DCAF12: variants seen among roughly 807,000 people sequenced by gnomAD.
The protein encoded by DCAF12 is DDB1 and CUL4 associated factor 12.
In DCAF12, 28 loss-of-function variants were observed where a neutral mutation model predicts 52.8. The observed-to-expected ratio is 0.53, with a 90% CI of 0.39 to 0.73. The LOEUF (loss-of-function observed/expected upper bound fraction) is 0.73. Among genes scored for constraint, DCAF12 ranks in the 30% least tolerant of loss-of-function variants. DCAF12 has a pLI of 0.00. For missense variants in DCAF12, 425 were observed against 552.2 expected, an observed-to-expected ratio of 0.77 and a Z score of 2.31; for synonymous variants, 196 against 215.5, an observed-to-expected ratio of 0.91 and a Z score of 0.79.
At chr9:34,120,357 G>GT (rs1464117751) in intron 2 of DCAF12, among the ~76,000 whole-genome samples, 10 of 151,968 alleles carry the variant, frequency 6.6e-5, no homozygotes, top group Admixed American at 2.0e-4. Flanking sequence ...TCCACCCTGA[G>GT]TGCAAAATGC....
intron 4 of DCAF12, among the ~76,000 whole-genome samples, 157 bp from the exon 5 acceptor site, chr9:34,098,674 G>C (rs766867805): frequency 2.0e-5 from 3 of 152,220 alleles, no homozygotes; most frequent in Admixed American, 6.5e-5. Flanking sequence ...CAGAGCAGTA[G>C]GCATTTTAAT....
At chr9:34,122,358 A>G (rs932033832) in intron 2 of DCAF12, among the ~76,000 whole-genome samples, 4 of 152,130 alleles carry the variant, frequency 2.6e-5, no homozygotes, top group Admixed American at 6.6e-5. Flanking sequence ...ATTAACTTCA[A>G]TCCTTACTCT....
intron 2 of DCAF12, 73 bp from the exon 3 acceptor site, chr9:34,107,638 G>T: frequency 7.9e-7 from 1 of 1,265,192 alleles, no homozygotes. Flanking sequence ...ACATCCTTTT[G>T]TTCAACTGTT....
rs1452762852 is a variant in DCAF12, at chr9:34,086,973, G to A, written c.*1377C>T. On this transcript the variant is annotated 3_prime_UTR_variant, in exon 9 of 9. Transcript: ENST00000361264. ...GAGGAACTGGTGGGTGGGAACAGCT[G>A]TTATCTTTGACATGATGTGTAAAAA... is the stretch of plus-strand genomic sequence containing the variant. The A allele has an allele frequency of 6.6e-6, 1 of 152,202 alleles. No homozygotes were observed. The allele number at this position is 152,202 out of a possible 1,614,324, so 9.4% of individuals were successfully genotyped here.
chr9:34,098,348 A>G lies in DCAF12; in HGVS notation c.771T>C (p.Ala257=), dbSNP rs1014920003. 1.0e-4 allele frequency: 161 copies of G among 1,614,022 alleles called. No individual in the cohort carries two copies. The highest frequency in any genetic ancestry group is 1.3e-4 in the Non-Finnish European group (151 of 1,179,998). Residue 257 remains alanine, a synonymous_variant, in exon 5 of 9, where the codon GCT becomes GCC. Transcript: ENST00000361264. The part of the protein sequence containing the change: ...DTNPDNCKVR[A]LAFNNKNKEL... Reference sequence around the variant, plus strand: ...CCTTGTTCTTGTTGTTGAAGGCCAGAGCCCGAACCTTGCAGTTGTCAGGGT... The same window carrying G: ...CCTTGTTCTTGTTGTTGAAGGCCAGGGCCCGAACCTTGCAGTTGTCAGGGT...
intron 2 of DCAF12, among the ~76,000 whole-genome samples, chr9:34,107,826 G>A (rs911341624): frequency 4.6e-5 from 7 of 152,154 alleles, no homozygotes; most frequent in African/African-American, 1.7e-4. Flanking sequence ...GGGATTCAGA[G>A]AAGGTTTCCA....
At chr9:34,098,632 C>T in intron 4 of DCAF12, 115 bp from the exon 5 acceptor site, 1 of 1,165,924 alleles carries the variant, frequency 8.6e-7, no homozygotes, top group Non-Finnish European at 1.2e-6. Context: ...CTCATATGTG[C>T]TGAAGCTTGG....
chr9:34,089,882 C>A, intron 7 of DCAF12: 1 of 280,060 alleles, frequency 3.6e-6, no homozygotes, highest in Non-Finnish European at 6.7e-6. Flanking sequence ...ACCATAAGTG[C>A]TGAGAACTTC....
Position 34,087,658 on chromosome 9 carries a change from G to GA in DCAF12, c.*691_*692insT, listed in dbSNP as rs1445412340. On this transcript the variant is annotated 3_prime_UTR_variant, in exon 9 of 9. Transcript: ENST00000361264. ...TCACTTTGCAGTCCTGGCATGGGAG[G>GA]CCCCAGGAAGCCTACAATCTAACTA... 6.6e-6 allele frequency: 1 copy of GA among 152,098 alleles called. No homozygotes were observed. The highest frequency in any genetic ancestry group is 2.4e-5 in the African/African-American group (1 of 41,412). The allele number at this position is 152,098 out of a possible 1,614,324, so 9.4% of individuals were successfully genotyped here.
chr9:34,123,347 A>G (rs549736320), intron 2 of DCAF12, among the ~76,000 whole-genome samples: 1 of 152,356 alleles, frequency 6.6e-6, no homozygotes, highest in East Asian at 1.9e-4. Flanking sequence ...ACTTTTAAAT[A>G]AGTAAGATAT....
chr9:34,120,598 A>T (rs1486679423), intron 2 of DCAF12, among the ~76,000 whole-genome samples: 1 of 148,460 alleles, frequency 6.7e-6, no homozygotes, highest in Non-Finnish European at 1.5e-5. Flanking sequence ...TTGAACCCGG[A>T]GGCAAAGGTT....
chr9:34,110,807 A>AAAACAAAACC (rs1342976695), intron 2 of DCAF12, among the ~76,000 whole-genome samples: 10 of 152,044 alleles, frequency 6.6e-5, no homozygotes, highest in South Asian at 4.2e-4. Context: ...AAAACAAAAC[A>AAAACAAAACC]AAACCAAGAG....
Position 34,100,433 on chromosome 9 carries a change from C to T in DCAF12, c.602-1916G>A, listed in dbSNP as rs568761408. Among the ~76,000 whole-genome samples the T allele has an allele frequency of 3.3e-5, 5 of 151,424 alleles. No homozygotes were observed. In the East Asian group the frequency reaches 7.8e-4, roughly 24 times the overall value. Reference sequence around the variant, plus strand: ...CAGGATGGTCTTGATCTCCTGACCTCGTGATCCACCTGCCTCGGCCTCCCA... The same window carrying T: ...CAGGATGGTCTTGATCTCCTGACCTTGTGATCCACCTGCCTCGGCCTCCCA... On this transcript the variant is annotated intron_variant, in intron 4 of 8. Transcript: ENST00000361264.
At chr9:34,089,272 G>A (rs1828607514) in intron 8 of DCAF12, 140 bp downstream of exon 8, 1 of 961,150 alleles carries the variant, frequency 1.0e-6, no homozygotes, top group East Asian at 2.8e-5. Flanking sequence ...AAAATCGGGG[G>A]AAGTCTTTTC....
rs1829229870 is a variant in DCAF12, at chr9:34,125,242, TCTTTTC to T, written c.108_113del (p.Lys37_Arg38del). ...CTAAGGATCTCTTCACAGGAGGAAG[TCTTTTC>T]CTTTTGTGAAGCGAGTGATCCCAGC... On this transcript the variant is annotated inframe_deletion, in exon 2 of 9. Transcript: ENST00000361264. 1 of 1,614,008 alleles carries T rather than the reference TCTTTTC, an allele frequency of 6.2e-7. No individual in the cohort carries two copies. The highest frequency in any genetic ancestry group is 8.5e-7 in the Non-Finnish European group (1 of 1,180,050).
At chr9:34,091,510 C>T (rs1828643263) in intron 7 of DCAF12, among the ~76,000 whole-genome samples, 1 of 151,698 alleles carries the variant, frequency 6.6e-6, no homozygotes, top group Non-Finnish European at 1.5e-5. Context: ...GTGGCGGACG[C>T]TTATAGTCCC....
intron 2 of DCAF12, among the ~76,000 whole-genome samples, chr9:34,118,823 G>A (rs1380720659): frequency 6.6e-6 from 1 of 152,082 alleles, no homozygotes; most frequent in East Asian, 1.9e-4. Flanking sequence ...AATTAGCCGG[G>A]CGTGGTGGCA....
intron 2 of DCAF12, among the ~76,000 whole-genome samples, chr9:34,120,130 G>A (rs560703295): frequency 6.7e-6 from 1 of 148,968 alleles, no homozygotes; most frequent in South Asian, 2.1e-4. Context: ...TTCAACCTGG[G>A]AGGCGGAGGT....
intron 7 of DCAF12, among the ~76,000 whole-genome samples, chr9:34,090,878 G>A (rs1460265816): frequency 6.6e-6 from 1 of 151,482 alleles, no homozygotes; most frequent in Admixed American, 6.6e-5. Flanking sequence ...GGCTGGTCTC[G>A]AACTCCTGAC....
Sources: gnomAD v4.1 joint callset for allele counts (sites outside exome capture counted in the v4.1 genomes callset) on GRCh38, gnomAD v4.1.1 for gene constraint, MANE v1.5 for transcripts, NCBI Gene and HGNC (gene_info 2026-07-23, HGNC 2026-07-21) for gene names.